Variants in NTN1 observed in about 807,000 individuals in gnomAD.
NTN1 encodes the protein netrin-1.
Under a neutral mutation model 54.2 loss-of-function variants are expected in NTN1, and 11 were observed. The observed-to-expected ratio is 0.20, with a 90% CI of 0.13 to 0.34. The LOEUF (loss-of-function observed/expected upper bound fraction) is 0.34, where lower values mean the gene tolerates loss of function less well. Ranked by LOEUF, NTN1 falls within the 10% of genes least tolerant of loss-of-function variation. The pLI is 1.00. For missense variants in NTN1, 740 were observed against 893.1 expected, an observed-to-expected ratio of 0.83 and a Z score of 2.18; for synonymous variants, 371 against 382.0, an observed-to-expected ratio of 0.97 and a Z score of 0.33.
rs116770133 is a variant in NTN1 at position 9,110,625 on chromosome 17, G to A, written c.1019-52188G>A. Among the ~76,000 whole-genome samples, 1,221 of 152,216 alleles carry A rather than the reference G, an allele frequency of 8.0e-3. 14 individuals carry two copies. The highest frequency in any genetic ancestry group is 0.027 in the African/African-American group (1,141 of 41,522). On this transcript the variant is annotated intron_variant, in intron 2 of 6. Transcript: ENST00000173229. ...GCTAGCTTCCTAGGGCCGTTCTAAC[G>A]AGTTACCACAAACTGGGTGGCTTAA...
intron 2 of NTN1, among the ~76,000 whole-genome samples, chr17:9,159,669 C>T (rs2092352023): frequency 6.6e-6 from 1 of 152,044 alleles, no homozygotes; most frequent in Non-Finnish European, 1.5e-5. Context: ...GGTGTGGTGG[C>T]AGGCGCCTGT....
intron 2 of NTN1, among the ~76,000 whole-genome samples, chr17:9,154,984 C>T (rs2092337198): frequency 6.6e-6 from 1 of 152,082 alleles, no homozygotes. Context: ...CCCATCAGAG[C>T]CTGCATTTGC....
intron 2 of NTN1, among the ~76,000 whole-genome samples, chr17:9,155,547 G>A (rs761006532): frequency 1.4e-4 from 22 of 151,940 alleles, no homozygotes; most frequent in Non-Finnish European, 3.2e-4. Context: ...CTCCATGTTG[G>A]TCAGGCTGGT....
chr17:9,094,535 A>C (rs2092123694), intron 2 of NTN1, among the ~76,000 whole-genome samples: 1 of 152,174 alleles, frequency 6.6e-6, no homozygotes. Flanking sequence ...ACACATTTTA[A>C]AATCCTTTAA....
intron 2 of NTN1, among the ~76,000 whole-genome samples, chr17:9,082,126 C>G (rs150700968): frequency 5.4e-4 from 82 of 152,292 alleles, no homozygotes; most frequent in African/African-American, 1.9e-3. Context: ...GTGGTGTGAT[C>G]TTGGCTCACT....
In NTN1 at chr17:9,231,856, C is replaced by T. The variant is rs187416956; in HGVS notation, c.1487-7784C>T. Among the ~76,000 whole-genome samples, 38 of 152,366 alleles carry T rather than the reference C, an allele frequency of 2.5e-4. 1 individual carries two copies. The highest frequency in any genetic ancestry group is 3.4e-3 in the Middle Eastern group (1 of 294). Reference sequence around the variant, plus strand: ...CAAGGGAGGCTGGCTTTCTCACTTTCCCTCCTCCAGAGGCTGGGCCCCCAT... The same window carrying T: ...CAAGGGAGGCTGGCTTTCTCACTTTTCCTCCTCCAGAGGCTGGGCCCCCAT... On this transcript the variant is annotated intron_variant, in intron 6 of 6. Transcript: ENST00000173229.
chr17:9,163,477 AAC>A (rs55765967), intron 3 of NTN1, among the ~76,000 whole-genome samples: 9,339 of 141,226 alleles, frequency 0.066, 360 homozygotes, highest in African/African-American at 0.11. Flanking sequence ...TCCCCCCCGA[AAC>A]ACACACACAC....
At chr17:9,159,114 C>CATT (rs1246128986) in intron 2 of NTN1, among the ~76,000 whole-genome samples, 2 of 152,146 alleles carry the variant, frequency 1.3e-5, no homozygotes, top group African/African-American at 4.8e-5. Context: ...GAATGAGAAA[C>CATT]TTAAAAATAT....
chr17:9,099,652 TG>T (rs2092143379), intron 2 of NTN1, among the ~76,000 whole-genome samples: 1 of 152,188 alleles, frequency 6.6e-6, no homozygotes, highest in South Asian at 2.1e-4. Flanking sequence ...GGAGGTAAAA[TG>T]TCTGTTCAAA....
intron 2 of NTN1, among the ~76,000 whole-genome samples, chr17:9,030,968 C>T (rs753468655): frequency 2.6e-5 from 4 of 152,224 alleles, no homozygotes; most frequent in Admixed American, 2.0e-4. Context: ...GGTCTCAGCT[C>T]GCTGCACACG....
intron 5 of NTN1, among the ~76,000 whole-genome samples, chr17:9,206,753 T>A (rs1904978863): frequency 6.6e-6 from 1 of 152,232 alleles, no homozygotes; most frequent in African/African-American, 2.4e-5. Flanking sequence ...ATTTTCATCA[T>A]AAGGCAGTGG....
intron 5 of NTN1, among the ~76,000 whole-genome samples, chr17:9,187,655 A>AG (rs150717473): frequency 2.2e-5 from 1 of 45,830 alleles, no homozygotes; most frequent in Non-Finnish European, 4.7e-5. Flanking sequence ...TCATCTCTCC[A>AG]AAAAAAAAAA....
At chr17:9,005,704 G>T in the NTN1 span, among the ~76,000 whole-genome samples, 1 of 152,304 alleles carries the variant, frequency 6.6e-6, no homozygotes, top group East Asian at 1.9e-4. Flanking sequence ...TCCCAGACTG[G>T]AGGCCATAGT....
intron 2 of NTN1, among the ~76,000 whole-genome samples, chr17:9,143,938 C>T (rs2092305769): frequency 6.6e-6 from 1 of 151,680 alleles, no homozygotes; most frequent in Non-Finnish European, 1.5e-5. Context: ...CTCTTGTTGC[C>T]CAGGCTGGAG....
intron 3 of NTN1, chr17:9,171,718 T>C (rs1020997498): frequency 1.3e-5 from 2 of 151,370 alleles, no homozygotes; most frequent in Admixed American, 6.6e-5. Flanking sequence ...AGAACCAAAG[T>C]CTGGAAGCAG....
intron 6 of NTN1, among the ~76,000 whole-genome samples, chr17:9,226,595 T>C (rs931520746): frequency 1.3e-5 from 2 of 151,988 alleles, no homozygotes; most frequent in Non-Finnish European, 2.9e-5. Flanking sequence ...CTCAGTCCTC[T>C]GTTACCCTCT....
In NTN1 at chr17:9,239,166, T is replaced by C. The variant is rs1358313588; in HGVS notation, c.1487-474T>C. Among the ~76,000 whole-genome samples the C allele has an allele frequency of 2.0e-5, 3 of 152,144 alleles. No homozygotes were observed. Among genetic ancestry groups the C allele is most frequent in the Non-Finnish European group, 4.4e-5 (3 of 68,006 alleles). The stretch of plus-strand genomic sequence containing the variant: ...GTCCCTGAGCATTGAGGACCCATTA[T>C]GGTTTTCTGAGGCTGGTTGGAGGGC... On this transcript the variant is annotated intron_variant, in intron 6 of 6. Coordinates refer to ENST00000173229, the MANE Select transcript of NTN1 (RefSeq NM_004822.3). This position sits in a 1 kb window ranked among gnomAD's most constrained non-coding sequence, Gnocchi z 5.2.
chr17:9,083,525 T>C (rs2092079380), intron 2 of NTN1, among the ~76,000 whole-genome samples: 1 of 152,256 alleles, frequency 6.6e-6, no homozygotes, highest in East Asian at 1.9e-4. Context: ...TTTGGTCTAA[T>C]GAAGCATGAA....
intron 2 of NTN1, among the ~76,000 whole-genome samples, chr17:9,046,624 C>T (rs1049230316): frequency 4.6e-5 from 7 of 151,868 alleles, no homozygotes; most frequent in Non-Finnish European, 1.0e-4. Context: ...CTGTCTCTAC[C>T]AAAAAGATGA....
Sources: allele counts gnomAD v4.1 joint callset (sites outside exome capture counted in the v4.1 genomes callset), GRCh38; gene constraint gnomAD v4.1.1; non-coding constraint Gnocchi (gnomAD v3.1); transcripts MANE v1.5; gene names NCBI Gene and HGNC (gene_info 2026-07-23, HGNC 2026-07-21).